The following SYNE1 variants were observed in gnomAD, a reference collection of about 807,000 sequenced individuals.
SYNE1 encodes the protein spectrin repeat containing nuclear envelope protein 1, also known as nesprin-1.
In SYNE1, 616 loss-of-function variants were observed where a neutral mutation model predicts 1,111.0. The observed-to-expected ratio is 0.55, with a 90% CI of 0.52 to 0.59. SYNE1 has a LOEUF of 0.59. Among genes scored for constraint, SYNE1 ranks in the 20% least tolerant of loss-of-function variants. SYNE1 has a pLI of 0.00. For missense variants in SYNE1, 10,006 were observed against 10,417.0 expected, an observed-to-expected ratio of 0.96 and a Z score of 1.72; for synonymous variants, 3,855 against 3,825.8, an observed-to-expected ratio of 1.01 and a Z score of -0.28.
At position 152,413,365 on chromosome 6, in the gene SYNE1, G is replaced by A; in HGVS notation, c.6217C>T (p.Leu2073=). 6.2e-7 allele frequency: 1 copy of A among 1,614,128 alleles called. No homozygotes were observed. The highest frequency in any genetic ancestry group is 8.5e-7 in the Non-Finnish European group (1 of 1,180,010). Residue 2073 remains leucine, a synonymous_variant, in exon 42 of 146, where the codon CTA becomes TTA. Transcript: ENST00000367255. ...GTTTTGACTTACTTTTCATGAATTAGTCTTTTGGTATCATCCCAGGTGACC... is the reference window on the plus strand; with the variant it reads ...GTTTTGACTTACTTTTCATGAATTAATCTTTTGGTATCATCCCAGGTGACC... ...LEVTWDDTKR[L]IHENQGQCCG...
At chr6:152,587,841 T>G (rs1203452266) in intron 3 of SYNE1, among the ~76,000 whole-genome samples, 1 of 152,198 alleles carries the variant, frequency 6.6e-6, no homozygotes. Context: ...CAGAAATGGT[T>G]TTAAAACCAT....
chr6:152,409,579 G>T lies in SYNE1; in HGVS notation c.6361C>A (p.Leu2121Ile). ...TTTACCTTGGAAAAAGCCCATTTAA[G>T]ATCCTCCTGATCTTTTATGGTAGTT... ...TRTTIKDQED[L>I]KWAFSKHETA... The change falls in exon 43 of 146, where the codon CTT becomes ATT. Residue 2121 changes from leucine to isoleucine, a missense_variant. Leu to Ile is a conservative substitution (Grantham distance 5). Coordinates refer to ENST00000367255, the MANE Select transcript of SYNE1 (RefSeq NM_182961.4). 1.9e-6 allele frequency: 3 copies of T among 1,613,738 alleles called. No individual in the cohort carries two copies. The highest frequency in any genetic ancestry group is 1.7e-6 in the Non-Finnish European group (2 of 1,179,944).
chr6:152,257,959 A>G (rs564589591), intron 101 of SYNE1, among the ~76,000 whole-genome samples: 1 of 152,320 alleles, frequency 6.6e-6, no homozygotes, highest in Admixed American at 6.5e-5. Flanking sequence ...ACTCAACATC[A>G]AACATAGCCT....
chr6:152,138,114 T>C (rs1385665212), intron 140 of SYNE1, among the ~76,000 whole-genome samples: 3 of 152,188 alleles, frequency 2.0e-5, no homozygotes, highest in Non-Finnish European at 4.4e-5. Flanking sequence ...TGGTACTTTG[T>C]CCTGAAATTC....
chr6:152,323,529 T>A lies in SYNE1; in HGVS notation c.15866A>T (p.Glu5289Val). Residue 5289 changes from glutamate to valine, a missense_variant, in exon 82 of 146, where the codon GAA becomes GTA. Around this residue, in one of 7 missense-constraint regions of SYNE1, gnomAD observed 4,955 missense variants for 5,017.2 expected, o/e 0.99. Transcript: ENST00000367255. ...GATTTCCTGCATGAGCGGAGGCTCT[T>A]CCCCAGGGGTTGGGGCGGCTCCATC... is the stretch of plus-strand genomic sequence containing the variant. ...LQDGAAPTPGEEPPLMQEITA... is the reference protein window; with the variant it reads ...LQDGAAPTPGVEPPLMQEITA... 3.1e-6 allele frequency: 5 copies of A among 1,614,158 alleles called. No individual in the cohort carries two copies. The highest frequency in any genetic ancestry group is 3.4e-6 in the Non-Finnish European group (4 of 1,180,000).
intron 145 of SYNE1, 26 bp downstream of exon 145, chr6:152,130,694 G>C: frequency 6.2e-7 from 1 of 1,613,408 alleles, no homozygotes; most frequent in Middle Eastern, 1.6e-4. Flanking sequence ...TTCTAGAACA[G>C]TGTGGAAACC....
Position 152,416,407 on chromosome 6 carries a change from G to T in SYNE1, c.6030C>A (p.Thr2010=), listed in dbSNP as rs2098155727. ...RTDKERLKEP[T]RQALQQRLRV... ...TTTACCTCTGCTGAAGAGCTTGGCG[G>T]GTAGGTTCTTTCAATCGCTCTTTGT... Residue 2010 remains threonine, a synonymous_variant, in exon 41 of 146, where the codon ACC becomes ACA. Transcript: ENST00000367255. The T allele has an allele frequency of 6.2e-7, 1 of 1,614,012 alleles. No homozygotes were observed. The highest frequency in any genetic ancestry group is 1.7e-5 in the Admixed American group (1 of 60,002).
In SYNE1 at chr6:152,348,502, T is replaced by C. The variant is rs1208564847; in HGVS notation, c.11902-1267A>G. Among the ~76,000 whole-genome samples, 11 of 152,134 alleles carry C rather than the reference T, an allele frequency of 7.2e-5. No homozygotes were observed. In the East Asian group the frequency reaches 1.9e-3, roughly 27 times the overall value. ...GAGTTAGAGACCAGCCTGGCCAACATGGTGTAACCCTGTCTCTACTAAAAA... is the reference window on the plus strand; with the variant it reads ...GAGTTAGAGACCAGCCTGGCCAACACGGTGTAACCCTGTCTCTACTAAAAA... On this transcript the variant is annotated intron_variant, in intron 72 of 145. Transcript: ENST00000367255.
At chr6:152,396,607 C>T (rs1033718900) in intron 50 of SYNE1, among the ~76,000 whole-genome samples, 168 bp downstream of exon 50, 10 of 152,088 alleles carry the variant, frequency 6.6e-5, no homozygotes, top group African/African-American at 1.7e-4. Context: ...CTTCAGAGTC[C>T]GAAAAATTGA....
intron 135 of SYNE1, among the ~76,000 whole-genome samples, chr6:152,151,178 C>T (rs944111172): frequency 1.3e-5 from 2 of 151,160 alleles, no homozygotes; most frequent in East Asian, 1.9e-4. Context: ...GCCAAGATTG[C>T]GCCACTGCAC....
In SYNE1 at chr6:152,236,100, G is replaced by C; in HGVS notation, c.20396+7C>G. The C allele has an allele frequency of 6.2e-7, 1 of 1,613,420 alleles. No homozygotes were observed. ...TCTAAAAATATACAAAACAGTCATTGTATTACCTGGTCCAGTGTTTCAATA... is the reference window on the plus strand; with the variant it reads ...TCTAAAAATATACAAAACAGTCATTCTATTACCTGGTCCAGTGTTTCAATA... On this transcript the variant is annotated splice_region_variant and intron_variant, in intron 110 of 145. Transcript: ENST00000367255.
chr6:152,374,271 C>T lies in SYNE1; in HGVS notation c.9325-1052G>A, dbSNP rs561803313. ...ATGGGTAGATTCTGTATTCTACAGT[C>T]GATTCTCAATATTTTCAAGTGCTAA... On this transcript the variant is annotated intron_variant, in intron 58 of 145. Transcript: ENST00000367255. Among the ~76,000 whole-genome samples, 34 of 152,210 alleles carry T rather than the reference C, an allele frequency of 2.2e-4. No homozygotes were observed. The South Asian group carries it at 5.8e-3, about 26-fold the overall frequency.
At position 152,214,923 on chromosome 6, in the gene SYNE1, C is replaced by G; in HGVS notation, c.22329G>C (p.Gln7443His). The change falls in exon 122 of 146, where the codon CAG becomes CAC. Residue 7443 changes from glutamine (Q) to histidine (H), a missense_variant. By Grantham distance (24) the Gln-to-His change is conservative (BLOSUM62 0). This residue lies in a region of SYNE1 where 2,182 missense variants were observed against 2,287.8 expected (regional missense o/e 0.95). Transcript: ENST00000367255. ...LNRHWSLISS[Q>H]TTERFSKLQS... ...TACTCTACCTGAATCTTTCTGTAGT[C>G]TGAGAGGAGATCAGAGACCAATGGC... is the stretch of plus-strand genomic sequence containing the variant. The G allele has an allele frequency of 6.2e-7, 1 of 1,614,134 alleles. No individual in the cohort carries two copies. Among genetic ancestry groups the G allele is most frequent in the Non-Finnish European group, 8.5e-7 (1 of 1,180,008 alleles).
At chr6:152,433,715 G>T in intron 34 of SYNE1, 80 bp downstream of exon 34, 3 of 1,541,706 alleles carry the variant, frequency 1.9e-6, no homozygotes, top group South Asian at 2.2e-5. Context: ...TCCTGGGACC[G>T]AACAGCATTT....
At chr6:152,624,435 C>A (rs2099681984) in intron 3 of SYNE1, among the ~76,000 whole-genome samples, 4 of 152,126 alleles carry the variant, frequency 2.6e-5, no homozygotes, top group Admixed American at 2.6e-4. Context: ...TTGTCACTAT[C>A]TAAAAGAAGT....
Position 152,255,005 on chromosome 6 carries a change from C to A in SYNE1, c.19345G>T (p.Asp6449Tyr), listed in dbSNP as rs1315831856. The A allele has an allele frequency of 6.2e-7, 1 of 1,613,828 alleles. No homozygotes were observed. The highest frequency in any genetic ancestry group is 1.3e-5 in the African/African-American group (1 of 75,044). The change falls in exon 104 of 146, where the codon GAT (aspartate) becomes TAT (tyrosine). Residue 6449 changes from aspartate (D) to tyrosine (Y), a missense_variant. This residue lies in a region of SYNE1 where 2,182 missense variants were observed against 2,287.8 expected (regional missense o/e 0.95). Transcript: ENST00000367255. The part of the protein sequence containing the change: ...LFSQAFPENG[D>Y]NRDVIEDTLG... ...GTATCTTCAATAACATCTCGATTAT[C>A]ACCATTCTCTGGAAAAGCTTGGGAA...
chr6:152,359,519 C>T, intron 64 of SYNE1, 61 bp from the exon 65 acceptor site: 1 of 1,601,682 alleles, frequency 6.2e-7, no homozygotes, highest in East Asian at 2.2e-5. Context: ...AACGACACTG[C>T]TAAAATCAAG....
At chr6:152,589,229 C>CT (rs2099550369) in intron 3 of SYNE1, among the ~76,000 whole-genome samples, 1 of 151,988 alleles carries the variant, frequency 6.6e-6, no homozygotes, top group Admixed American at 6.6e-5. Context: ...CTAATCCTTC[C>CT]TTTTAGTGGC....
chr6:152,549,673 T>C (rs980619132), intron 3 of SYNE1, among the ~76,000 whole-genome samples: 1 of 152,304 alleles, frequency 6.6e-6, no homozygotes, highest in Middle Eastern at 3.4e-3. Context: ...AGAAAATTAA[T>C]AGCTATCTAC....
Sources: gnomAD v4.1 joint callset for allele counts (sites outside exome capture counted in the v4.1 genomes callset) on GRCh38, gnomAD v4.1.1 for gene constraint, gnomAD v4.1.1 regional missense constraint, MANE v1.5 for transcripts, NCBI Gene and HGNC (gene_info 2026-07-23, HGNC 2026-07-21) for gene names.